ZNF385D: variants seen among roughly 807,000 people sequenced by gnomAD.
The protein encoded by ZNF385D is zinc finger protein 385D, also known as zinc finger protein 659.
ZNF385D carries 15 observed loss-of-function variants against 35.8 expected under a neutral mutation model. The observed-to-expected ratio is 0.42, with a 90% CI of 0.28 to 0.64. The LOEUF is 0.64. ZNF385D is among the 30% of genes least tolerant of loss of function. The pLI, the probability that ZNF385D is intolerant of heterozygous loss-of-function variation, is 0.23. For synonymous variants in ZNF385D, 212 were observed against 186.8 expected, an observed-to-expected ratio of 1.13 and a Z score of -1.10; for missense variants, 474 against 494.6, an observed-to-expected ratio of 0.96 and a Z score of 0.39.
intron 1 of ZNF385D, among the ~76,000 whole-genome samples, chr3:21,738,768 G>T (rs2069368895): frequency 6.6e-6 from 1 of 152,192 alleles, no homozygotes; most frequent in Admixed American, 6.5e-5. Context: ...TGAAAATAGA[G>T]ACAAAAATCT....
At chr3:21,860,483 A>ATTATTACCT (rs58233016) in intron 3 of ZNF385D, among the ~76,000 whole-genome samples, 1 of 151,596 alleles carries the variant, frequency 6.6e-6, no homozygotes, top group East Asian at 2.0e-4. Context: ...TTATAAGCTG[A>ATTATTACCT]TTATTAATAC....
At chr3:21,812,305 C>A (rs2072955999) in intron 3 of ZNF385D, among the ~76,000 whole-genome samples, 2 of 152,234 alleles carry the variant, frequency 1.3e-5, no homozygotes, top group Non-Finnish European at 2.9e-5. Context: ...TGGGTGATTT[C>A]TGAATTTCCA....
chr3:22,259,861 G>T (rs938609067), intron 2 of ZNF385D, among the ~76,000 whole-genome samples: 2 of 151,564 alleles, frequency 1.3e-5, no homozygotes, highest in Non-Finnish European at 2.9e-5. Flanking sequence ...TACAAATGTT[G>T]GTTTTATTCC....
At chr3:21,707,095 A>G (rs1472708347) in intron 1 of ZNF385D, among the ~76,000 whole-genome samples, 1 of 152,134 alleles carries the variant, frequency 6.6e-6, no homozygotes, top group Non-Finnish European at 1.5e-5. Flanking sequence ...TGCCAAGAAT[A>G]TTTGTTATTT....
At chr3:22,196,558 T>C (rs932507909) in intron 2 of ZNF385D, among the ~76,000 whole-genome samples, 2 of 151,976 alleles carry the variant, frequency 1.3e-5, no homozygotes, top group Admixed American at 6.6e-5. Flanking sequence ...AATATTGTGG[T>C]TTATTATTAT....
At position 21,495,709 on chromosome 3, in the gene ZNF385D, C is replaced by A. The variant is rs182212423; in HGVS notation, c.439+15152G>T. ...AGAAATAAAGAAAATCAAAGCTGAACTGAAGGAAAGTGAGATGTAAAAAAA... is the reference window on the plus strand; with the variant it reads ...AGAAATAAAGAAAATCAAAGCTGAAATGAAGGAAAGTGAGATGTAAAAAAA... On this transcript the variant is annotated intron_variant, in intron 4 of 7. Coordinates refer to ENST00000281523, the MANE Select transcript of ZNF385D (RefSeq NM_024697.3). 3.9e-5 allele frequency among the ~76,000 whole-genome samples: 6 copies of A among 152,034 alleles called. No individual in the cohort carries two copies. The East Asian group carries it at 9.7e-4, about 24-fold the overall frequency.
rs866544198 is a variant in ZNF385D, at chr3:21,418,826, G to T, written c.*2388C>A. 3 of 152,108 alleles carry T rather than the reference G, an allele frequency of 2.0e-5. No individual in the cohort carries two copies. The highest frequency in any genetic ancestry group is 4.4e-5 in the Non-Finnish European group (3 of 68,016). The allele number at this position is 152,108 out of a possible 1,614,324, so 9.4% of individuals were successfully genotyped here. A position where few individuals can be genotyped will look rare whatever the true frequency, so the allele number is the denominator to read the frequency against. On this transcript the variant is annotated 3_prime_UTR_variant, in exon 8 of 8. Transcript: ENST00000281523. The stretch of plus-strand genomic sequence containing the variant: ...TGGATAGGGACTCAGGATGATTATG[G>T]AAAATCAAAATATTTGACATAGCAG...
At chr3:22,098,003 C>T (rs975394870) in intron 3 of ZNF385D, among the ~76,000 whole-genome samples, 3 of 151,950 alleles carry the variant, frequency 2.0e-5, no homozygotes, top group Admixed American at 6.6e-5. Flanking sequence ...AACATTTTCC[C>T]CACAAAGTTT....
At chr3:22,061,724 G>A (rs867766524) in intron 3 of ZNF385D, among the ~76,000 whole-genome samples, 10 of 152,150 alleles carry the variant, frequency 6.6e-5, no homozygotes, top group Non-Finnish European at 1.5e-4. Flanking sequence ...TCAAAAATAT[G>A]TCTTTCCTTC....
chr3:22,080,802 T>C (rs1700709684), intron 3 of ZNF385D, among the ~76,000 whole-genome samples: 1 of 152,032 alleles, frequency 6.6e-6, no homozygotes, highest in Non-Finnish European at 1.5e-5. Flanking sequence ...ATTAGTGGGT[T>C]TTATAAATGG....
At chr3:22,097,378 G>T (rs556108760) in intron 3 of ZNF385D, among the ~76,000 whole-genome samples, 9 of 151,960 alleles carry the variant, frequency 5.9e-5, no homozygotes, top group Admixed American at 2.6e-4. Flanking sequence ...TTTGAGGGGA[G>T]TATTAGTGGG....
chr3:21,821,844 C>T (rs1464281880), intron 3 of ZNF385D, among the ~76,000 whole-genome samples: 2 of 151,462 alleles, frequency 1.3e-5, no homozygotes, highest in African/African-American at 2.4e-5. Context: ...TTCCTGCCTG[C>T]AGTCCCAGGT....
intron 1 of ZNF385D, among the ~76,000 whole-genome samples, chr3:21,744,166 C>T (rs2069651683): frequency 1.3e-5 from 2 of 152,130 alleles, no homozygotes; most frequent in South Asian, 4.1e-4. Context: ...GCTCAAATTC[C>T]TCATCTAAAA....
chr3:21,980,493 C>T (rs574797912), intron 3 of ZNF385D, among the ~76,000 whole-genome samples: 9 of 152,206 alleles, frequency 5.9e-5, no homozygotes, highest in African/African-American at 1.9e-4. Context: ...TTATAAAACA[C>T]AACAACTCTT....
At chr3:21,976,707 A>G (rs567456129) in intron 3 of ZNF385D, among the ~76,000 whole-genome samples, 10 of 152,340 alleles carry the variant, frequency 6.6e-5, no homozygotes, top group African/African-American at 2.4e-4. Context: ...GAGAAATAAT[A>G]AACCAGCTGG....
chr3:22,140,226 CAATGA>C (rs1704419799), intron 3 of ZNF385D, among the ~76,000 whole-genome samples: 1 of 152,076 alleles, frequency 6.6e-6, no homozygotes, highest in South Asian at 2.1e-4. Context: ...ATCATCTATA[CAATGA>C]AATAATACTC....
At position 21,682,219 on chromosome 3, in the gene ZNF385D, T is replaced by TC. The variant is rs1265965138; in HGVS notation, c.23-17192_23-17191insG. ...CAGGTTGGTTTGTTTTTAGTTTAGC[T>TC]TTGTCCTTTTAAGTTAGAAGCCAGA... On this transcript the variant is annotated intron_variant, in intron 1 of 7. Transcript: ENST00000281523. 9.6e-4 allele frequency among the ~76,000 whole-genome samples: 145 copies of TC among 151,150 alleles called. 1 individual carries two copies. The highest frequency in any genetic ancestry group is 3.4e-3 in the Middle Eastern group (1 of 294).
chr3:21,825,588 G>A (rs1011748878), intron 3 of ZNF385D, among the ~76,000 whole-genome samples: 7 of 152,174 alleles, frequency 4.6e-5, no homozygotes, highest in Non-Finnish European at 8.8e-5. Flanking sequence ...TCATTTCATT[G>A]GCATTGTCTT....
chr3:22,267,944 T>C (rs1308898818), intron 2 of ZNF385D, among the ~76,000 whole-genome samples: 1 of 151,962 alleles, frequency 6.6e-6, no homozygotes, highest in African/African-American at 2.4e-5. Context: ...CCCCAAACCC[T>C]GAGGTTAATA....
Sources: allele counts gnomAD v4.1 joint callset (sites outside exome capture counted in the v4.1 genomes callset), GRCh38; gene constraint gnomAD v4.1.1; transcripts MANE v1.5; gene names NCBI Gene and HGNC (gene_info 2026-07-23, HGNC 2026-07-21).